Variants in PTCH1 observed in about 807,000 individuals in gnomAD.
The protein encoded by PTCH1 is patched 1.
In PTCH1, 14 loss-of-function variants were observed where a neutral mutation model predicts 144.6. That is an observed-to-expected ratio of 0.10 (90% confidence interval 0.06 to 0.15). The LOEUF (loss-of-function observed/expected upper bound fraction) is 0.15, where lower values mean the gene tolerates loss of function less well. Ranked by LOEUF, PTCH1 falls within the 10% of genes least tolerant of loss-of-function variation. The probability of loss-of-function intolerance (pLI) is 1.00; values close to 1 mark genes in which losing one functional copy is unlikely to be tolerated. For synonymous variants in PTCH1, 833 were observed against 793.6 expected (o/e 1.05, Z -0.83); for missense variants, 1,623 against 1,948.3 (o/e 0.83, Z 3.14).
In PTCH1 at chr9:95,478,168, C is replaced by T. The variant is rs370354759; in HGVS notation, c.1234G>A (p.Ala412Thr). The change falls in exon 9 of 24, where the codon GCA (alanine) becomes ACA (threonine). Residue 412 changes from alanine (A) to threonine (T), a missense_variant. Ala to Thr is a moderately conservative substitution (Grantham distance 58). Transcript: ENST00000331920. Reference protein sequence around the residue: ...TYVEVVHQSVAQNSTQKVLSF... With the variant: ...TYVEVVHQSVTQNSTQKVLSF... ...AGCACCTTTTGAGTGGAGTTCTGTG[C>T]GACACTCTGATGAACCACCTGTGGT... 9.9e-6 allele frequency: 16 copies of T among 1,614,108 alleles called. No homozygotes were observed. Among genetic ancestry groups the T allele is most frequent in the Admixed American group, 5.0e-5 (3 of 60,022 alleles).
At chr9:95,491,741 G>A (rs1013444989) in intron 2 of PTCH1, among the ~76,000 whole-genome samples, 2 of 152,180 alleles carry the variant, frequency 1.3e-5, no homozygotes, top group Non-Finnish European at 2.9e-5. Context: ...GACAGGTTGA[G>A]CATCCCTAAT....
chr9:95,456,025 C>A (rs956793990), intron 19 of PTCH1, among the ~76,000 whole-genome samples: 2 of 152,196 alleles, frequency 1.3e-5, no homozygotes, highest in African/African-American at 4.8e-5. Flanking sequence ...AGGCCCACTC[C>A]AACACACCAA....
At chr9:95,508,117 T>G (rs2118905396) in intron 1 of PTCH1, 44 bp downstream of exon 1, 1 of 1,606,354 alleles carries the variant, frequency 6.2e-7, no homozygotes, top group Non-Finnish European at 8.5e-7. Context: ...CCCAAAGAGT[T>G]AGAGGAGGGA....
At position 95,508,523 on chromosome 9, in the gene PTCH1, CGCT is replaced by C; in HGVS notation, c.-165_-163del. Reference sequence around the variant, plus strand: ...CTCGGGCTCCGGTTGACAGACCAGCCGCTGCTGCTGCTCACACGGCGGGCGCTG... The same window carrying C: ...CTCGGGCTCCGGTTGACAGACCAGCCGCTGCTGCTCACACGGCGGGCGCTG... On this transcript the variant is annotated 5_prime_UTR_variant, in exon 1 of 24. Transcript: ENST00000331920. The C allele has an allele frequency of 9.9e-7, 1 of 1,014,454 alleles. No homozygotes were observed. Among genetic ancestry groups the C allele is most frequent in the Admixed American group, 5.8e-5 (1 of 17,254 alleles). The allele number at this position is 1,014,454 out of a possible 1,614,324, so 62.8% of individuals were successfully genotyped here.
intron 12 of PTCH1, among the ~76,000 whole-genome samples, chr9:95,475,356 G>A (rs1840933622): frequency 6.6e-6 from 1 of 152,134 alleles, no homozygotes; most frequent in South Asian, 2.1e-4. Context: ...TGCATGGGAA[G>A]GTGAGAGGGA....
intron 12 of PTCH1, among the ~76,000 whole-genome samples, chr9:95,474,305 A>G (rs1436319750): frequency 6.6e-6 from 1 of 152,068 alleles, no homozygotes; most frequent in Non-Finnish European, 1.5e-5. Context: ...CAGTTTCTCA[A>G]TACCAGCACC....
rs140542305 is a variant in PTCH1, at chr9:95,506,573, C to T, written c.228G>A (p.Pro76=). Residue 76 remains proline (P), a synonymous_variant, in exon 2 of 24, where the codon CCG becomes CCA. Coordinates refer to ENST00000331920, the MANE Select transcript of PTCH1 (RefSeq NM_000264.5). ...SKGKATGRKA[P]LWLRAKFQRL... ...TCTGAAACTTCGCTCTCAGCCACAG[C>T]GGCGCTTTCCGGCCAGTAGCCTTCC... 5.0e-5 allele frequency: 80 copies of T among 1,612,550 alleles called. No homozygotes were observed. Among genetic ancestry groups the T allele is most frequent in the Non-Finnish European group, 6.6e-5 (78 of 1,179,320 alleles).
Position 95,449,139 on chromosome 9 carries a change from T to C in PTCH1, c.3734A>G (p.Gln1245Arg), listed in dbSNP as rs767792734. Residue 1245 changes from glutamine to arginine, a missense_variant, in exon 22 of 24, where the codon CAG (glutamine) becomes CGG (arginine). This residue lies in a region of PTCH1 where 504 missense variants were observed against 679.3 expected (regional missense o/e 0.74). Coordinates refer to ENST00000331920, the MANE Select transcript of PTCH1 (RefSeq NM_000264.5). The surrounding 1 kb of genome is among the most constrained non-coding windows in gnomAD (Gnocchi z 5.3). ...TTGGTGGGCAGGGCCTCCCGCGCCCTGCTGGGCCTCGTAGTGCCGAAGCTC... is the reference window on the plus strand; with the variant it reads ...TTGGTGGGCAGGGCCTCCCGCGCCCCGCTGGGCCTCGTAGTGCCGAAGCTC... ...SEELRHYEAQ[Q>R]GAGGPAHQVI... The C allele has an allele frequency of 7.5e-5, 121 of 1,613,998 alleles. No individual in the cohort carries two copies. Among genetic ancestry groups the C allele is most frequent in the Non-Finnish European group, 1.0e-4 (118 of 1,180,004 alleles).
intron 2 of PTCH1, among the ~76,000 whole-genome samples, chr9:95,488,969 G>A (rs1842186506): frequency 6.6e-6 from 1 of 152,172 alleles, no homozygotes; most frequent in Non-Finnish European, 1.5e-5. Flanking sequence ...AAGTGTGGCG[G>A]AGCTTGGTGA....
At chr9:95,493,208 G>T (rs140574091) in intron 2 of PTCH1, among the ~76,000 whole-genome samples, 1 of 152,162 alleles carries the variant, frequency 6.6e-6, no homozygotes, top group South Asian at 2.1e-4. Context: ...CCCTCATCAC[G>T]CTTCCCTGCT....
intron 9 of PTCH1, 55 bp from the exon 10 acceptor site, chr9:95,477,757 T>C (rs1841178735): frequency 3.1e-6 from 5 of 1,598,536 alleles, no homozygotes; most frequent in Admixed American, 1.7e-5. Flanking sequence ...GAATGTGTTG[T>C]GATTCTAATG....
rs201544613 is a variant in PTCH1, at chr9:95,469,039, C to G, written c.1962G>C (p.Thr654=). ...GGACAGTGGACTGCATGGTAATCTG[C>G]GTTTCATGGGCAAAGCTGTGGCTGC... is the stretch of plus-strand genomic sequence containing the variant. The part of the protein sequence containing the change: ...PYSSHSFAHE[T]QITMQSTVQL... The change falls in exon 14 of 24, where the codon ACG becomes ACC. Residue 654 remains threonine, a synonymous_variant. Coordinates refer to ENST00000331920, the MANE Select transcript of PTCH1 (RefSeq NM_000264.5). 6.2e-7 allele frequency: 1 copy of G among 1,613,852 alleles called. No individual in the cohort carries two copies. The highest frequency in any genetic ancestry group is 8.5e-7 in the Non-Finnish European group (1 of 1,180,022).
At chr9:95,446,809 G>T in intron 23 of PTCH1, 102 bp downstream of exon 23, 1 of 1,488,062 alleles carries the variant, frequency 6.7e-7, no homozygotes, top group Non-Finnish European at 9.3e-7. Context: ...GGATGTGCCC[G>T]AGCGCCACAG....
rs757611119 is a variant in PTCH1 at position 95,443,184 on chromosome 9, A to G, written c.*3209T>C. 1 of 152,192 alleles carries G rather than the reference A, an allele frequency of 6.6e-6. No individual in the cohort carries two copies. Among genetic ancestry groups the G allele is most frequent in the Non-Finnish European group, 1.5e-5 (1 of 68,030 alleles). The allele number at this position is 152,192 out of a possible 1,614,324, so 9.4% of individuals were successfully genotyped here. On this transcript the variant is annotated 3_prime_UTR_variant, in exon 24 of 24. Coordinates refer to ENST00000331920, the MANE Select transcript of PTCH1 (RefSeq NM_000264.5). Reference sequence around the variant, plus strand: ...CACTATTTGGGTGATGATCACACTAAAAGCTCAGCCCCCACTTTGTAATAC... The same window carrying G: ...CACTATTTGGGTGATGATCACACTAGAAGCTCAGCCCCCACTTTGTAATAC...
chr9:95,496,128 C>T lies in PTCH1; in HGVS notation c.395-10254G>A, dbSNP rs1382394452. ...AATACTTTCGCACAGCCCTGCCGAC[C>T]CCTGACATAAATTTTACACCGCAGC... On this transcript the variant is annotated intron_variant, in intron 2 of 23. Transcript: ENST00000331920. 2.0e-5 allele frequency among the ~76,000 whole-genome samples: 3 copies of T among 152,168 alleles called. No homozygotes were observed. The East Asian group carries it at 5.8e-4, about 29-fold the overall frequency.
upstream of PTCH1, among the ~76,000 whole-genome samples, chr9:95,510,780 AG>A (rs1406910711): frequency 2.0e-5 from 3 of 151,110 alleles, no homozygotes; most frequent in Non-Finnish European, 4.4e-5. Flanking sequence ...ACCCAGATGG[AG>A]GGAAAGGGGG....
At chr9:95,480,888 AAGAC>A (rs1357391112) in intron 5 of PTCH1, among the ~76,000 whole-genome samples, 2 of 150,642 alleles carry the variant, frequency 1.3e-5, no homozygotes, top group Admixed American at 1.3e-4. Flanking sequence ...ATTAGCCAAA[AAGAC>A]AGATCCAAAA....
At chr9:95,516,266 G>C (rs1427802806) in intron 1 of PTCH1, among the ~76,000 whole-genome samples, 4 of 146,848 alleles carry the variant, frequency 2.7e-5, no homozygotes, top group South Asian at 4.2e-4. Flanking sequence ...GGAGGCGCGG[G>C]ACCCGCGCTC....
At position 95,479,997 on chromosome 9, in the gene PTCH1, C is replaced by A. The variant is rs1060502279; in HGVS notation, c.1039G>T (p.Val347Phe). 1.2e-6 allele frequency: 2 copies of A among 1,614,088 alleles called. No individual in the cohort carries two copies. Among genetic ancestry groups the A allele is most frequent in the Non-Finnish European group, 1.7e-6 (2 of 1,180,026 alleles). Residue 347 changes from valine to phenylalanine, a missense_variant, in exon 7 of 24, where the codon GTC (valine) becomes TTC (phenylalanine). By Grantham distance (50) the Val-to-Phe change is conservative. Transcript: ENST00000331920. ...ACGAGTTTTCCAGTGCTGTTCTTGA[C>A]TGTGCCACCCACAATCAACTCCTCC... ...WQEELIVGGT[V>F]KNSTGKLVSA...
Sources: allele counts gnomAD v4.1 joint callset (sites outside exome capture counted in the v4.1 genomes callset), GRCh38; gene constraint gnomAD v4.1.1; regional missense constraint gnomAD v4.1.1; non-coding constraint Gnocchi (gnomAD v3.1); transcripts MANE v1.5; gene names NCBI Gene and HGNC (gene_info 2026-07-23, HGNC 2026-07-21).